Variants in ATMIN observed in about 807,000 individuals in gnomAD.
ATMIN encodes the protein ATM interactor.
In ATMIN, 24 loss-of-function variants were observed where a neutral mutation model predicts 49.2. That is an observed-to-expected ratio of 0.49 (90% CI 0.35 to 0.69). ATMIN has a LOEUF of 0.69. ATMIN is among the 30% of genes least tolerant of loss of function. ATMIN has a pLI of 0.00. For synonymous variants in ATMIN, 450 were observed against 392.5 expected (o/e 1.15, Z -1.73); for missense variants, 1,037 against 1,005.5 (o/e 1.03, Z -0.42).
chr16:81,045,033 A>G lies in ATMIN; in HGVS notation c.*63A>G. Reference sequence around the variant, plus strand: ...CATTTCCTCTGGATTAAAACTACGGACTGGGGACAACAGTATTAATTCGAT... The same window carrying G: ...CATTTCCTCTGGATTAAAACTACGGGCTGGGGACAACAGTATTAATTCGAT... On this transcript the variant is annotated 3_prime_UTR_variant, in exon 4 of 4. Transcript: ENST00000299575. The G allele has an allele frequency of 6.5e-7, 1 of 1,541,842 alleles. No individual in the cohort carries two copies. The highest frequency in any genetic ancestry group is 8.8e-7 in the Non-Finnish European group (1 of 1,142,012).
In ATMIN at chr16:81,044,991, T is replaced by C; in HGVS notation, c.*21T>C. The C allele has an allele frequency of 1.9e-6, 3 of 1,599,400 alleles. No individual in the cohort carries two copies. Among genetic ancestry groups the C allele is most frequent in the Non-Finnish European group, 1.7e-6 (2 of 1,171,144 alleles). ...TCTAAAACTAACGGTGGAGTCCATG[T>C]GTGAAATGGCATCTACCATTTCCTC... On this transcript the variant is annotated 3_prime_UTR_variant, in exon 4 of 4. Coordinates refer to ENST00000299575, the MANE Select transcript of ATMIN (RefSeq NM_015251.3).
chr16:81,044,607 G>C lies in ATMIN; in HGVS notation c.2109G>C (p.Gln703His). ...TAGGCCTTGAGATGTTTGACACACA[G>C]ACACAGACAGACTTAAACTTTTTCT... The part of the protein sequence containing the change: ...NFLGLEMFDT[Q>H]TQTDLNFFLD... The change falls in exon 4 of 4, where the codon CAG becomes CAC. Residue 703 changes from glutamine (Q) to histidine (H), a missense_variant. Physicochemically the swap from Gln to His is conservative, Grantham distance 24. Transcript: ENST00000299575. 1 of 1,614,138 alleles carries C rather than the reference G, an allele frequency of 6.2e-7. No individual in the cohort carries two copies. The highest frequency in any genetic ancestry group is 8.5e-7 in the Non-Finnish European group (1 of 1,180,032).
chr16:81,039,970 A>G (rs1489441003), intron 1 of ATMIN, among the ~76,000 whole-genome samples: 1 of 152,224 alleles, frequency 6.6e-6, no homozygotes, highest in Admixed American at 6.5e-5. Context: ...AGGTGGTGCT[A>G]GAGTAGCTAG....
intron 1 of ATMIN, chr16:81,037,576 C>A: frequency 1.2e-6 from 1 of 821,032 alleles, no homozygotes; most frequent in Non-Finnish European, 1.5e-6. Context: ...GGCTTTCAAC[C>A]TGTTGTTTTG....
At chr16:81,043,082 T>C in intron 3 of ATMIN, 79 bp from the exon 4 acceptor site, 1 of 1,491,484 alleles carries the variant, frequency 6.7e-7, no homozygotes. Context: ...GGAAATGGCA[T>C]TTGTAAGTGA....
chr16:81,044,284 A>C lies in ATMIN; in HGVS notation c.1786A>C (p.Asn596His), dbSNP rs745959493. ...CATAGATTTATTAAGTGATTTGGAAAACATCTTGTCAAGTAATCTGCCTGC... is the reference window on the plus strand; with the variant it reads ...CATAGATTTATTAAGTGATTTGGAACACATCTTGTCAAGTAATCTGCCTGC... ...QTIDLLSDLE[N>H]ILSSNLPAQT... Residue 596 changes from asparagine (N) to histidine (H), a missense_variant, in exon 4 of 4, where the codon AAC (asparagine) becomes CAC (histidine). Coordinates refer to ENST00000299575, the MANE Select transcript of ATMIN (RefSeq NM_015251.3). 3.7e-6 allele frequency: 6 copies of C among 1,614,098 alleles called. No individual in the cohort carries two copies. In the East Asian group the frequency reaches 1.1e-4, roughly 30 times the overall value.
Position 81,044,961 on chromosome 16 carries a change from C to T in ATMIN, c.2463C>T (p.Ser821=). 2 of 1,611,716 alleles carry T rather than the reference C, an allele frequency of 1.2e-6. No individual in the cohort carries two copies. The highest frequency in any genetic ancestry group is 1.7e-5 in the Admixed American group (1 of 59,790). Residue 821 remains serine, a synonymous_variant, in exon 4 of 4, where the codon TCC becomes TCT. Transcript: ENST00000299575. ...TQTSAEPHTV[S]NF The stretch of plus-strand genomic sequence containing the variant: ...CTTCTGCGGAACCACACACAGTCTC[C>T]AACTTCTAAAACTAACGGTGGAGTC...
Position 81,036,199 on chromosome 16 carries a change from G to A in ATMIN, c.329G>A (p.Arg110His). Residue 110 changes from arginine to histidine, a missense_variant, in exon 1 of 4, where the codon CGC (arginine) becomes CAC (histidine). Physicochemically the swap from Arg to His is conservative, Grantham distance 29. Coordinates refer to ENST00000299575, the MANE Select transcript of ATMIN (RefSeq NM_015251.3). Reference sequence around the variant, plus strand: ...AACATGCACCTAGTCAAGAGCCACCGCCTGCAGGTGAGCCCGACGCGGCCG... The same window carrying A: ...AACATGCACCTAGTCAAGAGCCACCACCTGCAGGTGAGCCCGACGCGGCCG... ...ALNMHLVKSH[R>H]LQDGIVNPTI... is the part of the protein sequence containing the mutation. 1 of 1,443,380 alleles carries A rather than the reference G, an allele frequency of 6.9e-7. No individual in the cohort carries two copies. Among genetic ancestry groups the A allele is most frequent in the Non-Finnish European group, 9.2e-7 (1 of 1,090,164 alleles). 89.4% of individuals were successfully genotyped at this position (1,443,380 alleles called of 1,614,324 possible).
chr16:81,035,915 G>A lies in ATMIN; in HGVS notation c.45G>A (p.Leu15=). ...EAAAAAGSAA[L]AAGARAVPAA... The stretch of plus-strand genomic sequence containing the variant: ...CGGCGGCGGCGGGGTCCGCGGCTCT[G>A]GCGGCGGGTGCCCGGGCCGTCCCGG... The change falls in exon 1 of 4, where the codon CTG becomes CTA. Residue 15 remains leucine (L), a synonymous_variant. Transcript: ENST00000299575. 1 of 988,030 alleles carries A rather than the reference G, an allele frequency of 1.0e-6. No homozygotes were observed. The highest frequency in any genetic ancestry group is 1.2e-6 in the Non-Finnish European group (1 of 833,022). 61.2% of individuals were successfully genotyped at this position (988,030 alleles called of 1,614,324 possible).
At chr16:81,038,905 C>T (rs898063576) in intron 1 of ATMIN, among the ~76,000 whole-genome samples, 22 of 152,336 alleles carry the variant, frequency 1.4e-4, no homozygotes, top group Non-Finnish European at 2.6e-4. Flanking sequence ...AAGCAGTTCT[C>T]TTGCCTCAGC....
chr16:81,037,540 C>T, intron 1 of ATMIN: 1 of 970,070 alleles, frequency 1.0e-6, no homozygotes, highest in Non-Finnish European at 1.2e-6. Flanking sequence ...GGGTTTCTTT[C>T]AGCACTCAAG....
rs935046707 is a variant in ATMIN, at chr16:81,045,721, T to C, written c.*751T>C. ...GGCCAGGTGTGGTGGCTTACCCCTG[T>C]AATCCCAGCACTTTGGGAGGCCAAA... is the stretch of plus-strand genomic sequence containing the variant. On this transcript the variant is annotated 3_prime_UTR_variant, in exon 4 of 4. Coordinates refer to ENST00000299575, the MANE Select transcript of ATMIN (RefSeq NM_015251.3). 1 of 152,230 alleles carries C rather than the reference T, an allele frequency of 6.6e-6. No individual in the cohort carries two copies. The highest frequency in any genetic ancestry group is 1.5e-5 in the Non-Finnish European group (1 of 68,130). 9.4% of individuals were successfully genotyped at this position (152,230 alleles called of 1,614,324 possible). A position where few individuals can be genotyped will look rare whatever the true frequency, so the allele number is the denominator to read the frequency against.
At position 81,044,976 on chromosome 16, in the gene ATMIN, AC is replaced by A; in HGVS notation, c.*7del. On this transcript the variant is annotated 3_prime_UTR_variant, in exon 4 of 4. Transcript: ENST00000299575. ...ACACAGTCTCCAACTTCTAAAACTA[AC>A]GGTGGAGTCCATGTGTGAAATGGCA... is the stretch of plus-strand genomic sequence containing the variant. The A allele has an allele frequency of 6.2e-7, 1 of 1,607,652 alleles. No homozygotes were observed. Among genetic ancestry groups the A allele is most frequent in the South Asian group, 1.1e-5 (1 of 90,646 alleles).
chr16:81,041,606 C>A, intron 2 of ATMIN, 125 bp downstream of exon 2: 1 of 1,283,614 alleles, frequency 7.8e-7, no homozygotes, highest in Admixed American at 2.5e-5. Flanking sequence ...TGCGTGTCTC[C>A]CAGTTGGTAT....
chr16:81,041,872 TAAGAG>T (rs913648850), intron 2 of ATMIN, among the ~76,000 whole-genome samples: 1 of 152,072 alleles, frequency 6.6e-6, no homozygotes, highest in Non-Finnish European at 1.5e-5. Context: ...GCCGCAATCT[TAAGAG>T]GAGGGAGGGC....
Position 81,042,372 on chromosome 16 carries a change from A to G in ATMIN, c.554A>G (p.Glu185Gly). Residue 185 changes from glutamate to glycine, a missense_variant, in exon 3 of 4, where the codon GAG becomes GGG. Coordinates refer to ENST00000299575, the MANE Select transcript of ATMIN (RefSeq NM_015251.3). ...GAATGGGACCTGAAAAGACATGCAG[A>G]GGACTGTGGCAAGACCTTCCGGTGC... is the stretch of plus-strand genomic sequence containing the variant. ...GTEWDLKRHA[E>G]DCGKTFRCTC... The G allele has an allele frequency of 6.2e-7, 1 of 1,614,200 alleles. No individual in the cohort carries two copies. The highest frequency in any genetic ancestry group is 8.5e-7 in the Non-Finnish European group (1 of 1,180,030).
intron 2 of ATMIN, 103 bp downstream of exon 2, chr16:81,041,584 A>AG: frequency 1.2e-5 from 17 of 1,432,094 alleles, no homozygotes; most frequent in Non-Finnish European, 1.6e-5. Context: ...GCTGCTTGTG[A>AG]GGGGAGATGC....
intron 1 of ATMIN, among the ~76,000 whole-genome samples, chr16:81,037,677 C>G (rs554378633): frequency 1.3e-5 from 2 of 152,244 alleles, no homozygotes; most frequent in South Asian, 2.1e-4. Context: ...ACTCCATCAC[C>G]CAGGCTGGAG....
Position 81,041,346 on chromosome 16 carries a change from C to A in ATMIN, c.337-10C>A, listed in dbSNP as rs1338728218. ...TGAAATAATAATTTAAAGTAATTTTCCTTTTGCAGGATGGCATAGTCAATC... is the reference window on the plus strand; with the variant it reads ...TGAAATAATAATTTAAAGTAATTTTACTTTTGCAGGATGGCATAGTCAATC... On this transcript the variant is annotated splice_polypyrimidine_tract_variant and intron_variant, in intron 1 of 3. Transcript: ENST00000299575. The A allele has an allele frequency of 6.3e-7, 1 of 1,593,636 alleles. No homozygotes were observed. The highest frequency in any genetic ancestry group is 8.5e-7 in the Non-Finnish European group (1 of 1,174,454).
Sources: allele counts gnomAD v4.1 joint callset (sites outside exome capture counted in the v4.1 genomes callset), GRCh38; gene constraint gnomAD v4.1.1; transcripts MANE v1.5; gene names NCBI Gene and HGNC (gene_info 2026-07-23, HGNC 2026-07-21).